SVOPL: variants seen among roughly 807,000 people sequenced by gnomAD.
SVOPL encodes the protein putative transporter SVOPL.
In SVOPL, 60 loss-of-function variants were observed where a neutral mutation model predicts 61.0. The ratio of observed to expected loss-of-function variants is 0.98; its 90% CI spans 0.80 to 1.22. SVOPL has a LOEUF of 1.22. SVOPL is among the 50% of genes most tolerant of loss of function. SVOPL has a pLI of 0.00. For missense variants in SVOPL, 662 were observed against 643.9 expected (o/e 1.03, Z -0.30); for synonymous variants, 279 against 250.0 (o/e 1.12, Z -1.09).
chr7:138,649,859 T>A (rs1335626560), intron 7 of SVOPL, among the ~76,000 whole-genome samples: 2 of 152,028 alleles, frequency 1.3e-5, no homozygotes, highest in African/African-American at 4.8e-5. Flanking sequence ...TGAGACAGAG[T>A]CTTGCTCTGT....
chr7:138,664,098 G>T (rs546898313), intron 4 of SVOPL: 2 of 584,846 alleles, frequency 3.4e-6, no homozygotes, highest in South Asian at 7.4e-5. Context: ...AAACCTGTCC[G>T]CTCGCTGGGG....
chr7:138,623,375 C>T (rs1404455327), intron 13 of SVOPL, among the ~76,000 whole-genome samples: 4 of 152,112 alleles, frequency 2.6e-5, no homozygotes, highest in East Asian at 1.9e-4. Context: ...CCGAGGCGGG[C>T]GGATCATGAG....
At chr7:138,670,975 C>A (rs1802400073) in intron 4 of SVOPL, among the ~76,000 whole-genome samples, 2 of 152,056 alleles carry the variant, frequency 1.3e-5, no homozygotes, top group African/African-American at 4.8e-5. Flanking sequence ...ACTTTCATAC[C>A]CATTTAATCA....
intron 14 of SVOPL, among the ~76,000 whole-genome samples, chr7:138,602,733 C>T (rs1038316036): frequency 3.3e-5 from 5 of 152,124 alleles, no homozygotes; most frequent in African/African-American, 7.2e-5. Context: ...CATTTCCACC[C>T]CTAACCACAG....
At chr7:138,615,917 C>T (rs866931227) in intron 14 of SVOPL, among the ~76,000 whole-genome samples, 44 of 152,040 alleles carry the variant, frequency 2.9e-4, no homozygotes, top group African/African-American at 9.9e-4. Flanking sequence ...TGTGAGGACA[C>T]AAGAAGGTAG....
chr7:138,617,268 C>T (rs930301072), intron 14 of SVOPL, among the ~76,000 whole-genome samples: 3 of 152,102 alleles, frequency 2.0e-5, no homozygotes, highest in Admixed American at 6.5e-5. Context: ...CTGTGCCCAG[C>T]CTGAAACATT....
chr7:138,624,889 A>C (rs938449011), intron 13 of SVOPL, among the ~76,000 whole-genome samples: 4 of 151,780 alleles, frequency 2.6e-5, no homozygotes, highest in African/African-American at 9.7e-5. Context: ...TTTTGTGGAG[A>C]TGGCATTTTG....
chr7:138,621,187 G>A lies in SVOPL; in HGVS notation c.1264-52C>T, dbSNP rs372729099. 4.4e-4 allele frequency: 675 copies of A among 1,520,232 alleles called. 3 individuals carry two copies. In the African/African-American group the frequency reaches 7.3e-3, roughly 16 times the overall value. 94.2% of individuals were successfully genotyped at this position (1,520,232 alleles called of 1,614,324 possible). On this transcript the variant is annotated intron_variant, in intron 13 of 15. Coordinates refer to ENST00000674285, the MANE Select transcript of SVOPL (RefSeq NM_001139456.2). Reference sequence around the variant, plus strand: ...AGTCAGATAATGTCCGTCCTTCCCCGAGCCCTCCTCTTCCCCTTCCTCCCC... The same window carrying A: ...AGTCAGATAATGTCCGTCCTTCCCCAAGCCCTCCTCTTCCCCTTCCTCCCC...
At chr7:138,622,090 G>T (rs867877767) in intron 13 of SVOPL, among the ~76,000 whole-genome samples, 2 of 35,940 alleles carry the variant, frequency 5.6e-5, no homozygotes, top group African/African-American at 2.9e-4. Context: ...ATCTATCTAT[G>T]TATCTATCTA....
At chr7:138,647,714 G>A (rs1801189513) in intron 8 of SVOPL, among the ~76,000 whole-genome samples, 1 of 151,668 alleles carries the variant, frequency 6.6e-6, no homozygotes, top group Non-Finnish European at 1.5e-5. Context: ...CGGGCGTGGT[G>A]GTGCAAGCCT....
At chr7:138,675,668 T>C (rs1802541183) in intron 3 of SVOPL, among the ~76,000 whole-genome samples, 3 of 151,942 alleles carry the variant, frequency 2.0e-5, no homozygotes, top group African/African-American at 7.2e-5. Context: ...CACAACCCTT[T>C]CTTATACTTT....
chr7:138,693,580 G>GAAAGAAA (rs1451339144), intron 1 of SVOPL, among the ~76,000 whole-genome samples: 1 of 60,032 alleles, frequency 1.7e-5, no homozygotes, highest in African/African-American at 5.7e-5. Context: ...AAAGAAAAAA[G>GAAAGAAA]GAAAGAAAGA....
chr7:138,679,448 T>C lies in SVOPL; in HGVS notation c.-34-369A>G, dbSNP rs544746991. ...CCATGCCTGGCTAATTTTTTTTGTA[T>C]ATTTTGTAGAGACAGGGTTTCACCA... On this transcript the variant is annotated intron_variant, in intron 1 of 15. Coordinates refer to ENST00000674285, the MANE Select transcript of SVOPL (RefSeq NM_001139456.2). 1.1e-4 allele frequency among the ~76,000 whole-genome samples: 17 copies of C among 152,160 alleles called. No homozygotes were observed. In the East Asian group the frequency reaches 3.1e-3, roughly 28 times the overall value.
In SVOPL at chr7:138,674,240, A is replaced by G. The variant is rs532697688; in HGVS notation, c.175-2123T>C. Among the ~76,000 whole-genome samples, 3 of 151,802 alleles carry G rather than the reference A, an allele frequency of 2.0e-5. No homozygotes were observed. The South Asian group carries it at 6.2e-4, about 31-fold the overall frequency. ...ACACATACACAGAAGACCAGGACTT[A>G]GGAGTCCTGGTCACAGGCTGAGGCT... On this transcript the variant is annotated intron_variant, in intron 3 of 15. Coordinates refer to ENST00000674285, the MANE Select transcript of SVOPL (RefSeq NM_001139456.2).
intron 1 of SVOPL, chr7:138,689,318 C>G: frequency 6.3e-7 from 1 of 1,592,044 alleles, no homozygotes. Flanking sequence ...ATTCTCTGGT[C>G]ATTGAGCATA....
intron 3 of SVOPL, among the ~76,000 whole-genome samples, 177 bp downstream of exon 3, chr7:138,678,257 T>C (rs940856169): frequency 6.6e-6 from 1 of 152,112 alleles, no homozygotes; most frequent in African/African-American, 2.4e-5. Flanking sequence ...TTAAATGTAT[T>C]TGATGGATGT....
At chr7:138,608,152 G>A (rs1798836354) in intron 14 of SVOPL, among the ~76,000 whole-genome samples, 1 of 152,144 alleles carries the variant, frequency 6.6e-6, no homozygotes, top group African/African-American at 2.4e-5. Context: ...CTTGTTCTTG[G>A]ATACATAGAC....
chr7:138,644,454 T>C (rs1250282908), intron 9 of SVOPL, among the ~76,000 whole-genome samples: 2 of 152,162 alleles, frequency 1.3e-5, no homozygotes, highest in East Asian at 3.8e-4. Flanking sequence ...CTATTGACAA[T>C]GATGCCAAAT....
At chr7:138,693,797 G>A in intron 1 of SVOPL, among the ~76,000 whole-genome samples, 1 of 151,970 alleles carries the variant, frequency 6.6e-6, no homozygotes, top group East Asian at 1.9e-4. Flanking sequence ...TGGATTTGTT[G>A]CCATGTGCCC....
Sources: allele counts gnomAD v4.1 joint callset (sites outside exome capture counted in the v4.1 genomes callset), GRCh38; gene constraint gnomAD v4.1.1; transcripts MANE v1.5; gene names NCBI Gene and HGNC (gene_info 2026-07-23, HGNC 2026-07-21).